GFRA1: variants seen among roughly 807,000 people sequenced by gnomAD.
The protein encoded by GFRA1 is GDNF family receptor alpha-1.
A neutral mutation model predicts 51.6 loss-of-function variants in GFRA1; 16 were observed. The observed-to-expected ratio is 0.31, with a 90% CI of 0.21 to 0.47. The LOEUF is 0.47. Among genes scored for constraint, GFRA1 ranks in the 20% least tolerant of loss-of-function variants. The probability of loss-of-function intolerance (pLI) is 1.00; values close to 1 mark genes in which losing one functional copy is unlikely to be tolerated. For missense variants in GFRA1, 530 were observed against 594.3 expected (o/e 0.89, Z 1.13); for synonymous variants, 270 against 241.3 (o/e 1.12, Z -1.10).
intron 6 of GFRA1, among the ~76,000 whole-genome samples, chr10:116,115,583 T>C (rs1394364822): frequency 6.6e-6 from 1 of 152,066 alleles, no homozygotes; most frequent in Non-Finnish European, 1.5e-5. Context: ...ACAGCCAGCC[T>C]GTAACTAAGG....
chr10:116,225,204 T>G (rs572303096), intron 4 of GFRA1, among the ~76,000 whole-genome samples: 3 of 152,218 alleles, frequency 2.0e-5, no homozygotes, highest in African/African-American at 7.2e-5. Flanking sequence ...AAGGTAAAAT[T>G]GCTTGTTCAT....
At chr10:116,171,881 G>C (rs951781533) in intron 5 of GFRA1, among the ~76,000 whole-genome samples, 6 of 152,156 alleles carry the variant, frequency 3.9e-5, no homozygotes, top group African/African-American at 1.4e-4. Context: ...CACTCTGCTG[G>C]TATCAGTGTG....
intron 5 of GFRA1, among the ~76,000 whole-genome samples, chr10:116,181,788 C>T (rs185373148): frequency 3.7e-4 from 57 of 152,196 alleles, no homozygotes; most frequent in African/African-American, 1.3e-3. Context: ...CAGGCGCCCG[C>T]GCCCGCTACT....
chr10:116,145,355 C>T (rs941862633), intron 5 of GFRA1, among the ~76,000 whole-genome samples: 1 of 151,810 alleles, frequency 6.6e-6, no homozygotes, highest in Non-Finnish European at 1.5e-5. Flanking sequence ...ATAAAAAAGA[C>T]TGTCAAGCTT....
At chr10:116,211,526 G>A (rs1965193123) in intron 5 of GFRA1, 105 bp downstream of exon 5, 1 of 1,051,306 alleles carries the variant, frequency 9.5e-7, no homozygotes, top group African/African-American at 1.6e-5. Flanking sequence ...TAAATGACAT[G>A]TCCATAGAGA....
At chr10:116,258,129 TC>T (rs1394520627) in intron 4 of GFRA1, among the ~76,000 whole-genome samples, 1 of 152,146 alleles carries the variant, frequency 6.6e-6, no homozygotes, top group Admixed American at 6.5e-5. Flanking sequence ...CTTGTTTATA[TC>T]TATCTCTAAA....
At chr10:116,215,659 T>C (rs1268384339) in intron 4 of GFRA1, among the ~76,000 whole-genome samples, 1 of 152,216 alleles carries the variant, frequency 6.6e-6, no homozygotes, top group Non-Finnish European at 1.5e-5. Flanking sequence ...TCTTTTCTGC[T>C]CTTGCAGGAA....
At chr10:116,083,278 G>T (rs1007317377) in intron 9 of GFRA1, among the ~76,000 whole-genome samples, 7 of 152,212 alleles carry the variant, frequency 4.6e-5, no homozygotes, top group Admixed American at 6.5e-5. Context: ...CCGGAGCCAG[G>T]AGTCTGGTGT....
intron 9 of GFRA1, among the ~76,000 whole-genome samples, chr10:116,081,750 T>C (rs568789630): frequency 1.3e-5 from 2 of 152,232 alleles, no homozygotes; most frequent in Non-Finnish European, 2.9e-5. Flanking sequence ...AGATGGTTTA[T>C]AATGTTTTCC....
intron 3 of GFRA1, among the ~76,000 whole-genome samples, chr10:116,269,833 A>G (rs545917594): frequency 1.2e-4 from 18 of 152,160 alleles, no homozygotes; most frequent in African/African-American, 4.3e-4. Context: ...CTTGCCAGAA[A>G]ACTCTCCCAC....
chr10:116,095,667 A>G (rs1167607085), intron 7 of GFRA1, among the ~76,000 whole-genome samples: 7 of 152,124 alleles, frequency 4.6e-5, no homozygotes, highest in Non-Finnish European at 8.8e-5. Flanking sequence ...TGCATTAAGT[A>G]CCATTATTGA....
Position 116,094,958 on chromosome 10 carries a change from C to T in GFRA1, c.881-1122G>A, listed in dbSNP as rs191766392. ...TGGAAGAAGTAGGAATAAGCCTTGT[C>T]CAGAAAGAAGTTGGGGAGGAGATCC... On this transcript the variant is annotated intron_variant, in intron 7 of 10. Coordinates refer to ENST00000355422, the MANE Select transcript of GFRA1 (RefSeq NM_005264.8). Among the ~76,000 whole-genome samples the T allele has an allele frequency of 1.9e-4, 29 of 152,248 alleles. No homozygotes were observed. The East Asian group carries it at 3.7e-3, about 19-fold the overall frequency.
chr10:116,258,481 T>C (rs1396884534), intron 4 of GFRA1, among the ~76,000 whole-genome samples: 2 of 148,570 alleles, frequency 1.3e-5, no homozygotes, highest in African/African-American at 4.9e-5. Flanking sequence ...ATACGTAACA[T>C]ATATAATGTA....
chr10:116,254,165 A>T (rs1968618683), intron 4 of GFRA1, among the ~76,000 whole-genome samples: 4 of 151,448 alleles, frequency 2.6e-5, no homozygotes, highest in Admixed American at 2.6e-4. Flanking sequence ...TACTAAAAAT[A>T]AAAAAAATTA....
At chr10:116,076,635 G>C (rs927517131) in intron 9 of GFRA1, among the ~76,000 whole-genome samples, 1 of 152,172 alleles carries the variant, frequency 6.6e-6, no homozygotes, top group African/African-American at 2.4e-5. Context: ...GCACCTCAGA[G>C]GGGAAACAGC....
intron 4 of GFRA1, among the ~76,000 whole-genome samples, chr10:116,259,662 G>A (rs1969154189): frequency 6.6e-6 from 1 of 152,292 alleles, no homozygotes; most frequent in South Asian, 2.1e-4. Context: ...GAATTAAAGA[G>A]GGAGAAAAGG....
chr10:116,187,887 C>A (rs1302518334), intron 5 of GFRA1, among the ~76,000 whole-genome samples: 7 of 152,110 alleles, frequency 4.6e-5, no homozygotes, highest in Admixed American at 4.6e-4. Context: ...CTGGCCAGGG[C>A]TGGAGACAGA....
chr10:116,084,811 C>CAG (rs1565562502), intron 9 of GFRA1, among the ~76,000 whole-genome samples: 1 of 134,396 alleles, frequency 7.4e-6, no homozygotes, highest in Non-Finnish European at 1.6e-5. Context: ...CACACACACA[C>CAG]AGTCCATTTG....
intron 6 of GFRA1, among the ~76,000 whole-genome samples, chr10:116,100,713 T>C (rs948712996): frequency 6.6e-6 from 1 of 152,148 alleles, no homozygotes; most frequent in Admixed American, 6.5e-5. Flanking sequence ...TCAGACCTAC[T>C]GTGTGCCCTC....
Sources: allele counts gnomAD v4.1 joint callset (sites outside exome capture counted in the v4.1 genomes callset), GRCh38; gene constraint gnomAD v4.1.1; transcripts MANE v1.5; gene names NCBI Gene and HGNC (gene_info 2026-07-23, HGNC 2026-07-21).